RPGRIP1: variants seen among roughly 807,000 people sequenced by gnomAD.
RPGRIP1 encodes RPGR interacting protein 1.
In RPGRIP1, 128 loss-of-function variants were observed where a neutral mutation model predicts 157.9. The observed-to-expected ratio is 0.81, with a 90% CI of 0.70 to 0.94. RPGRIP1 has a LOEUF of 0.94. Among genes scored for constraint, RPGRIP1 ranks in the 40% least tolerant of loss-of-function variants. The pLI is 0.00. For missense variants in RPGRIP1, 1,486 were observed against 1,545.8 expected (o/e 0.96, Z 0.65); for synonymous variants, 554 against 571.6 (o/e 0.97, Z 0.44).
rs577042911 is a variant in RPGRIP1 at position 21,328,296 on chromosome 14, G to A, written c.2896-128G>A. On this transcript the variant is annotated intron_variant, in intron 18 of 24. Transcript: ENST00000400017. ...CCTGGGTTTTACTGCGGAAAAGAGA[G>A]AGAAATAGCATTTCTCAGCTCCATG... The A allele has an allele frequency of 6.5e-4, 438 of 677,840 alleles. 1 individual carries two copies. The highest frequency in any genetic ancestry group is 9.7e-4 in the Non-Finnish European group (388 of 400,532). 42.0% of individuals were successfully genotyped at this position (677,840 alleles called of 1,614,324 possible). A position where few individuals can be genotyped will look rare whatever the true frequency, so the allele number is the denominator to read the frequency against.
Position 21,302,493 on chromosome 14 carries a change from A to G in RPGRIP1, c.496A>G (p.Arg166Gly). The change falls in exon 5 of 25, where the codon AGG (arginine) becomes GGG (glycine). Residue 166 changes from arginine to glycine, a missense_variant. By Grantham distance (125) the Arg-to-Gly change is moderately radical. Transcript: ENST00000400017. ...PVPEKPKRGP[R>G]DRLSYTAPPS... ...TCTTCTGTCTAAACTTTTAGGGCCAAGGGACAGGCTGAGCTACACAGCCCC... is the reference window on the plus strand; with the variant it reads ...TCTTCTGTCTAAACTTTTAGGGCCAGGGGACAGGCTGAGCTACACAGCCCC... 1 of 1,547,152 alleles carries G rather than the reference A, an allele frequency of 6.5e-7. No individual in the cohort carries two copies. The highest frequency in any genetic ancestry group is 8.8e-7 in the Non-Finnish European group (1 of 1,138,458).
chr14:21,322,078 T>C (rs1882554254), intron 14 of RPGRIP1, 74 bp downstream of exon 14: 3 of 1,339,550 alleles, frequency 2.2e-6, no homozygotes, highest in Non-Finnish European at 3.1e-6. Flanking sequence ...CTCTGTGTAC[T>C]TGTCAAGAAG....
At chr14:21,297,877 C>CTTTCTTTCTTTCTTTCTTTCT (rs1555365066) in intron 3 of RPGRIP1, among the ~76,000 whole-genome samples, 2 of 150,056 alleles carry the variant, frequency 1.3e-5, no homozygotes, top group Non-Finnish European at 3.0e-5. Context: ...TTCTTTCTTT[C>CTTTCTTTCTTTCTTTCTTTCT]TTTTTTTTGA....
At chr14:21,332,704 G>A (rs1274723653) in intron 20 of RPGRIP1, among the ~76,000 whole-genome samples, 1 of 152,154 alleles carries the variant, frequency 6.6e-6, no homozygotes, top group Non-Finnish European at 1.5e-5. Context: ...TAAACCTCAT[G>A]TACTATATGG....
chr14:21,325,646 C>T (rs1263190194), intron 16 of RPGRIP1, 185 bp from the exon 17 acceptor site: 3 of 634,160 alleles, frequency 4.7e-6, no homozygotes, highest in East Asian at 5.5e-5. Context: ...TCGTGAGTGC[C>T]AGTATCTCCC....
chr14:21,322,041 C>T (rs1322945085), intron 14 of RPGRIP1, 37 bp downstream of exon 14: 2 of 1,546,116 alleles, frequency 1.3e-6, no homozygotes, highest in African/African-American at 1.4e-5. Context: ...ACTTCGGGAC[C>T]CTTCCACAGC....
At chr14:21,293,361 A>G (rs952912752) in intron 2 of RPGRIP1, among the ~76,000 whole-genome samples, 1 of 152,162 alleles carries the variant, frequency 6.6e-6, no homozygotes, top group Admixed American at 6.6e-5. Flanking sequence ...AATCAAAAAA[A>G]GTTTTTATCC....
chr14:21,304,162 A>T (rs914803004), intron 6 of RPGRIP1, among the ~76,000 whole-genome samples: 1 of 151,258 alleles, frequency 6.6e-6, no homozygotes, highest in Admixed American at 6.6e-5. Context: ...AAAATACAAA[A>T]AAACTAGCCA....
At chr14:21,303,178 T>C (rs538724911) in intron 5 of RPGRIP1, among the ~76,000 whole-genome samples, 153 bp from the exon 6 acceptor site, 15 of 152,270 alleles carry the variant, frequency 9.9e-5, no homozygotes, top group African/African-American at 3.1e-4. Flanking sequence ...CATAATTCCT[T>C]TATGTTTTGT....
rs774122422 is a variant in RPGRIP1 at position 21,325,238 on chromosome 14, G to T, written c.2222G>T (p.Gly741Val). 6.2e-6 allele frequency: 10 copies of T among 1,606,556 alleles called. No individual in the cohort carries two copies. In the African/African-American group the frequency reaches 1.2e-4, roughly 19 times the overall value. ...VHGLATLIGA[G>V]GEEFGVLEYW... is the part of the protein sequence containing the mutation. ...CACACTTTCTGCTACCCAGGAGCTG[G>T]TGGAGAAGAGTTCGGGGTTCTAGAG... Residue 741 changes from glycine to valine, a missense_variant, in exon 16 of 25, where the codon GGT (glycine) becomes GTT (valine). By Grantham distance (109) the Gly-to-Val change is moderately radical. Coordinates refer to ENST00000400017, the MANE Select transcript of RPGRIP1 (RefSeq NM_020366.4).
At chr14:21,285,332 G>T (rs534911551) in intron 1 of RPGRIP1, among the ~76,000 whole-genome samples, 4 of 152,056 alleles carry the variant, frequency 2.6e-5, no homozygotes, top group Non-Finnish European at 4.4e-5. Context: ...GAGGCCAGGT[G>T]CAGTGGCTCA....
intron 14 of RPGRIP1, among the ~76,000 whole-genome samples, chr14:21,322,752 C>T (rs8008193): frequency 0.012 from 1,855 of 152,248 alleles, 36 homozygotes; most frequent in African/African-American, 0.041. Context: ...TTATTCTTGT[C>T]AGTGATTTCT....
At chr14:21,314,246 C>A (rs12882920) in intron 10 of RPGRIP1, among the ~76,000 whole-genome samples, 1 of 151,976 alleles carries the variant, frequency 6.6e-6, no homozygotes, top group Non-Finnish European at 1.5e-5. Context: ...CCACACCCGG[C>A]TAATAGTTTC....
chr14:21,300,946 C>T lies in RPGRIP1; in HGVS notation c.219-20C>T. ...ATAACTGTCATGAAAGGAGAAGCCA[C>T]GTGCTCTATTTGTCCACAGGCTGAG... On this transcript the variant is annotated intron_variant, in intron 3 of 24. Transcript: ENST00000400017. 1 of 1,608,446 alleles carries T rather than the reference C, an allele frequency of 6.2e-7. No homozygotes were observed. Among genetic ancestry groups the T allele is most frequent in the Non-Finnish European group, 8.5e-7 (1 of 1,177,810 alleles).
At chr14:21,341,250 T>C (rs10142205) in intron 21 of RPGRIP1, among the ~76,000 whole-genome samples, 36,424 of 152,026 alleles carry the variant, frequency 0.24, 5,921 homozygotes, top group African/African-American at 0.47. Flanking sequence ...AGGCTGGTTT[T>C]GAACTCCTGA....
chr14:21,294,822 C>G lies in RPGRIP1; in HGVS notation c.218+13C>G, dbSNP rs200225522. 4.9e-3 allele frequency: 4,316 copies of G among 876,856 alleles called. 9 individuals carry two copies. Among genetic ancestry groups the G allele is most frequent in the Non-Finnish European group, 6.4e-3 (3,946 of 619,210 alleles). The allele number at this position is 876,856 out of a possible 1,614,324, so 54.3% of individuals were successfully genotyped here. On this transcript the variant is annotated intron_variant, in intron 3 of 24. Transcript: ENST00000400017. ...ATGAGATCAAAAGGTACTTAGAGTT[C>G]TCCTTAAATTTTTTTTTTTTTTTTT... is the stretch of plus-strand genomic sequence containing the variant.
In RPGRIP1 at chr14:21,285,692, A is replaced by G. The variant is rs111819493; in HGVS notation, c.-38-2247A>G. Among the ~76,000 whole-genome samples the G allele has an allele frequency of 9.4e-4, 142 of 151,766 alleles. 4 individuals carry two copies. Among genetic ancestry groups the G allele is most frequent in the African/African-American group, 3.2e-3 (131 of 41,206 alleles). ...GTGAGGAGTGTTGTGAGCTAGAGGA[A>G]GGAAGGTACAAGGTGTGATTGGAGG... On this transcript the variant is annotated intron_variant, in intron 1 of 24. Coordinates refer to ENST00000400017, the MANE Select transcript of RPGRIP1 (RefSeq NM_020366.4).
At chr14:21,343,391 C>A (rs958685407) in intron 22 of RPGRIP1, among the ~76,000 whole-genome samples, 163 bp downstream of exon 22, 2 of 152,178 alleles carry the variant, frequency 1.3e-5, no homozygotes, top group African/African-American at 4.8e-5. Flanking sequence ...TCGAATGGGG[C>A]TAAACATTTT....
At chr14:21,297,114 GAC>G (rs1280424831) in intron 3 of RPGRIP1, among the ~76,000 whole-genome samples, 1 of 151,936 alleles carries the variant, frequency 6.6e-6, no homozygotes, top group Non-Finnish European at 1.5e-5. Context: ...TTGTTTTTGA[GAC>G]AGAGTCCTGC....
Sources: allele counts gnomAD v4.1 joint callset (sites outside exome capture counted in the v4.1 genomes callset), GRCh38; gene constraint gnomAD v4.1.1; transcripts MANE v1.5; gene names NCBI Gene and HGNC (gene_info 2026-07-23, HGNC 2026-07-21).